Variants in CPLANE1 observed in about 807,000 individuals in gnomAD.
The protein encoded by CPLANE1 is ciliogenesis and planar polarity effector 1.
A neutral mutation model predicts 362.5 loss-of-function variants in CPLANE1; 263 were observed. That is an observed-to-expected ratio of 0.73 (90% CI 0.66 to 0.80). The LOEUF (loss-of-function observed/expected upper bound fraction) is 0.80, where lower values mean the gene tolerates loss of function less well. Among genes scored for constraint, CPLANE1 ranks in the 30% least tolerant of loss-of-function variants. The pLI is 0.00. For missense variants in CPLANE1, 3,461 were observed against 3,793.4 expected (o/e 0.91, Z 2.30); for synonymous variants, 1,212 against 1,302.6 (o/e 0.93, Z 1.50).
At position 37,224,275 on chromosome 5, in the gene CPLANE1, A is replaced by C; in HGVS notation, c.2559T>G (p.Ala853=). Residue 853 remains alanine (A), a synonymous_variant, in exon 14 of 53, where the codon GCT becomes GCG. Transcript: ENST00000651892. The stretch of plus-strand genomic sequence containing the variant: ...TACCTTTCTCTTCGATTTCTTGTAG[A>C]GCTTTTTTCCACAGCTGAACAGACT... ...YEKSVQLWKK[A]LQEIEEKGGR... 6.5e-7 allele frequency: 1 copy of C among 1,549,266 alleles called. No homozygotes were observed. The highest frequency in any genetic ancestry group is 1.4e-5 in the African/African-American group (1 of 73,072).
chr5:37,179,477 C>G (rs1310167471), intron 28 of CPLANE1, 34 bp from the exon 29 acceptor site: 2 of 1,451,748 alleles, frequency 1.4e-6, no homozygotes, highest in South Asian at 1.2e-5. Flanking sequence ...GAAAACTGAT[C>G]ATTTAAAAAA....
At chr5:37,147,971 CAAA>C (rs11284644) in intron 43 of CPLANE1, among the ~76,000 whole-genome samples, 1 of 15,312 alleles carries the variant, frequency 6.5e-5, no homozygotes, top group South Asian at 5.8e-3. Context: ...ACTGCCTTCT[CAAA>C]AAAAAAAAAA....
chr5:37,123,086 G>A (rs1395012155), intron 47 of CPLANE1, among the ~76,000 whole-genome samples: 1 of 152,162 alleles, frequency 6.6e-6, no homozygotes, highest in Admixed American at 6.5e-5. Flanking sequence ...CCAAGAGCTT[G>A]TTAATAAAGC....
intron 31 of CPLANE1, among the ~76,000 whole-genome samples, chr5:37,175,084 G>A (rs937699993): frequency 6.6e-6 from 1 of 152,176 alleles, no homozygotes; most frequent in Non-Finnish European, 1.5e-5. Context: ...AGGGGGAATG[G>A]GTTTCAGGCT....
rs1782245121 is a variant in CPLANE1, at chr5:37,180,095, TAA to T, written c.5657_5658del (p.Phe1886TyrfsTer4). The T allele has an allele frequency of 6.4e-7, 1 of 1,564,024 alleles. No individual in the cohort carries two copies. Among genetic ancestry groups the T allele is most frequent in the African/African-American group, 1.4e-5 (1 of 73,062 alleles). ...ISITHNTKKEFIDIDENLLEV... is the reference protein window; with the variant it reads ...ISITHNTKKEXIDIDENLLEV... ...TCTAAAAGATTCTCATCAATATCTATAAATTCTTTTTTAGTATTATGAGTGAT... is the reference window on the plus strand; with the variant it reads ...TCTAAAAGATTCTCATCAATATCTATATTCTTTTTTAGTATTATGAGTGAT... On this transcript the variant is annotated frameshift_variant, in exon 28 of 53. Transcript: ENST00000651892. LOFTEE classifies it high-confidence loss of function.
At chr5:37,083,914 C>T in the CPLANE1 span, among the ~76,000 whole-genome samples, 1 of 152,148 alleles carries the variant, frequency 6.6e-6, no homozygotes, top group African/African-American at 2.4e-5. Flanking sequence ...TATTCAAACA[C>T]AAGAAGCACA....
chr5:37,184,534 C>A (rs556969392), intron 25 of CPLANE1, among the ~76,000 whole-genome samples: 1 of 152,072 alleles, frequency 6.6e-6, no homozygotes, highest in African/African-American at 2.4e-5. Context: ...AGAATTTCAT[C>A]TACTCCTTTG....
Position 37,108,361 on chromosome 5 carries a change from C to T in CPLANE1, c.9511G>A (p.Val3171Met), listed in dbSNP as rs1561274544. The part of the protein sequence containing the change: ...CVEYEREETV[V>M]SPWTIPSEIH... ...TCTGAAGGTATCGTCCAGGGACTCACCACAGTCTCCTCTCTTTCATACTCT... is the reference window on the plus strand; with the variant it reads ...TCTGAAGGTATCGTCCAGGGACTCATCACAGTCTCCTCTCTTTCATACTCT... Residue 3171 changes from valine to methionine, a missense_variant, in exon 52 of 53, where the codon GTG (valine) becomes ATG (methionine). Transcript: ENST00000651892. 1 of 1,614,156 alleles carries T rather than the reference C, an allele frequency of 6.2e-7. No individual in the cohort carries two copies. Among genetic ancestry groups the T allele is most frequent in the South Asian group, 1.1e-5 (1 of 91,082 alleles).
At chr5:37,144,934 A>G (rs1257867803) in intron 43 of CPLANE1, among the ~76,000 whole-genome samples, 1 of 152,186 alleles carries the variant, frequency 6.6e-6, no homozygotes, top group African/African-American at 2.4e-5. Context: ...ATCTTAACTA[A>G]GTGCTGACTT....
At chr5:37,242,848 A>C (rs1423554554) in intron 6 of CPLANE1, among the ~76,000 whole-genome samples, 165 bp downstream of exon 6, 1 of 152,040 alleles carries the variant, frequency 6.6e-6, no homozygotes, top group East Asian at 1.9e-4. Context: ...TTAAAAAAAA[A>C]AAAAAAATTA....
At chr5:37,146,029 AAAAC>A (rs1771468888) in intron 43 of CPLANE1, among the ~76,000 whole-genome samples, 1 of 152,218 alleles carries the variant, frequency 6.6e-6, no homozygotes, top group Non-Finnish European at 1.5e-5. Flanking sequence ...CAGACTCTGA[AAAAC>A]ACTTCAGAAC....
chr5:37,186,357 T>C lies in CPLANE1; in HGVS notation c.4118A>G (p.Glu1373Gly). ...EIFVKAFPYP[E>G]DVRVPLRDKY... ...GTCTCTTAAAGGAACCCTCACGTCC[T>C]CAGGATAGGGAAATGCTTTCACGAA... is the stretch of plus-strand genomic sequence containing the variant. Residue 1373 changes from glutamate (E) to glycine (G), a missense_variant, in exon 24 of 53, where the codon GAG becomes GGG. Around this residue, in one of 2 missense-constraint regions of CPLANE1, gnomAD observed 3,380 missense variants for 3,666.1 expected, o/e 0.92. Transcript: ENST00000651892. 6.2e-7 allele frequency: 1 copy of C among 1,605,582 alleles called. No homozygotes were observed. Among genetic ancestry groups the C allele is most frequent in the Non-Finnish European group, 8.5e-7 (1 of 1,172,710 alleles).
At chr5:37,179,314 A>T in intron 29 of CPLANE1, 47 bp downstream of exon 29, 1 of 1,192,016 alleles carries the variant, frequency 8.4e-7, no homozygotes, top group Non-Finnish European at 1.2e-6. Context: ...TTTAAACACT[A>T]TACAAAATGA....
the CPLANE1 span, among the ~76,000 whole-genome samples, chr5:37,095,467 A>G: frequency 1.3e-5 from 2 of 152,224 alleles, no homozygotes; most frequent in Non-Finnish European, 2.9e-5. Flanking sequence ...ACAAACCCAC[A>G]GCCAACATAA....
rs568537397 is a variant in CPLANE1, at chr5:37,228,189, CA to C, written c.1122-373del. ...TTACACAAATAAAATTATGAACTATCAGTATACTTTTTATTAAAGAGGAGAA... is the reference window on the plus strand; with the variant it reads ...TTACACAAATAAAATTATGAACTATCGTATACTTTTTATTAAAGAGGAGAA... On this transcript the variant is annotated intron_variant, in intron 9 of 52. Transcript: ENST00000651892. Among the ~76,000 whole-genome samples the C allele has an allele frequency of 4.1e-3, 626 of 152,122 alleles. 2 individuals are homozygous for C. Among genetic ancestry groups the C allele is most frequent in the Middle Eastern group, 6.8e-3 (2 of 294 alleles).
At chr5:37,119,853 G>C (rs1411335796) in intron 50 of CPLANE1, among the ~76,000 whole-genome samples, 3 of 151,718 alleles carry the variant, frequency 2.0e-5, no homozygotes, top group Non-Finnish European at 2.9e-5. Context: ...CGGGCGTGGT[G>C]GTGGGCGCCT....
intron 16 of CPLANE1, among the ~76,000 whole-genome samples, chr5:37,208,942 AAAAAAAG>A (rs1791733402): frequency 8.3e-6 from 1 of 120,948 alleles, no homozygotes; most frequent in Non-Finnish European, 1.7e-5. Context: ...CAGATGAAAA[AAAAAAAG>A]AAAAGAAAAA....
At chr5:37,089,360 G>A in the CPLANE1 span, among the ~76,000 whole-genome samples, 1 of 152,046 alleles carries the variant, frequency 6.6e-6, no homozygotes, top group Non-Finnish European at 1.5e-5. Flanking sequence ...GCCCAATGGG[G>A]GGTTACTCTG....
At chr5:37,165,203 A>G (rs770878045) in intron 36 of CPLANE1, among the ~76,000 whole-genome samples, 1 of 152,230 alleles carries the variant, frequency 6.6e-6, no homozygotes, top group African/African-American at 2.4e-5. Context: ...AATCTCAGAG[A>G]ACGGTGAAAC....
Sources: allele counts gnomAD v4.1 joint callset (sites outside exome capture counted in the v4.1 genomes callset), GRCh38; gene constraint gnomAD v4.1.1; regional missense constraint gnomAD v4.1.1; transcripts MANE v1.5; gene names NCBI Gene and HGNC (gene_info 2026-07-23, HGNC 2026-07-21).